The following ZNF267 variants were observed in gnomAD, a reference collection of about 807,000 sequenced individuals.
The protein encoded by ZNF267 is zinc finger (C2H2).
In ZNF267, 61 loss-of-function variants were observed where a neutral mutation model predicts 71.6. The ratio of observed to expected loss-of-function variants is 0.85; its 90% CI spans 0.69 to 1.05. The LOEUF (loss-of-function observed/expected upper bound fraction) is 1.05, where lower values mean the gene tolerates loss of function less well. ZNF267 is among the 50% of genes least tolerant of loss of function. ZNF267 has a pLI of 0.00. For missense variants in ZNF267, 852 were observed against 870.0 expected, an observed-to-expected ratio of 0.98 and a Z score of 0.26; for synonymous variants, 288 against 293.2, an observed-to-expected ratio of 0.98 and a Z score of 0.18.
At chr16:31,885,298 C>A in intron 3 of ZNF267, 42 bp downstream of exon 3, 1 of 1,550,238 alleles carries the variant, frequency 6.5e-7, no homozygotes, top group South Asian at 1.2e-5. Flanking sequence ...GGCGAGAGGT[C>A]CAGAAGTCAA....
intron 1 of ZNF267, among the ~76,000 whole-genome samples, chr16:31,877,105 G>T (rs915973953): frequency 6.6e-6 from 1 of 151,984 alleles, no homozygotes; most frequent in Admixed American, 6.6e-5. Context: ...CCATATAGTC[G>T]CCTACTCATT....
At chr16:31,878,828 G>A (rs997813002) in intron 1 of ZNF267, among the ~76,000 whole-genome samples, 9 of 152,196 alleles carry the variant, frequency 5.9e-5, no homozygotes, top group Non-Finnish European at 1.3e-4. Context: ...GCACCTATTG[G>A]AACTCAGATG....
intron 3 of ZNF267, among the ~76,000 whole-genome samples, chr16:31,886,747 ATGT>A (rs1338781513): frequency 2.6e-5 from 4 of 152,132 alleles, no homozygotes; most frequent in Admixed American, 6.5e-5. Context: ...TTATTCATCC[ATGT>A]TGTCAGAAAT....
chr16:31,883,026 T>G (rs987306483), intron 1 of ZNF267, among the ~76,000 whole-genome samples: 1 of 152,218 alleles, frequency 6.6e-6, no homozygotes, highest in African/African-American at 2.4e-5. Context: ...TAACAGCTTT[T>G]AAGACTGGAA....
At chr16:31,900,863 A>AT (rs1164638977) in intron 3 of ZNF267, among the ~76,000 whole-genome samples, 1 of 147,168 alleles carries the variant, frequency 6.8e-6, no homozygotes, top group African/African-American at 2.5e-5. Context: ...GATTTGTTAC[A>AT]TTTGTATACA....
chr16:31,909,120 C>CTTTTTTTTTTTTTTTTTTT (rs34409182), intron 3 of ZNF267, among the ~76,000 whole-genome samples: 28 of 45,334 alleles, frequency 6.2e-4, no homozygotes, highest in South Asian at 1.8e-3. Flanking sequence ...CTTTTCTTTT[C>CTTTTTTTTTTTTTTTTTTT]TTTTTTTTTT....
intron 3 of ZNF267, among the ~76,000 whole-genome samples, chr16:31,900,807 TTTA>T (rs2084034890): frequency 6.6e-6 from 1 of 150,484 alleles, no homozygotes; most frequent in African/African-American, 2.4e-5. Flanking sequence ...TTTTATTTAT[TTTA>T]TTATTATATT....
rs1229179583 is a variant in ZNF267 at position 31,906,352 on chromosome 16, TTGTC to T, written c.227-8120_227-8117del. ...TGCAGATGTTACTGCTGCCTTTTAT[TTGTC>T]TGTGTCCTGCCCCCAGAGGTGGAGT... On this transcript the variant is annotated intron_variant, in intron 3 of 3. Transcript: ENST00000300870. 2.0e-5 allele frequency among the ~76,000 whole-genome samples: 3 copies of T among 152,194 alleles called. No homozygotes were observed. The East Asian group carries it at 5.8e-4, about 29-fold the overall frequency.
At position 31,915,562 on chromosome 16, in the gene ZNF267, G is replaced by A. The variant is rs1342060945; in HGVS notation, c.1313G>A (p.Cys438Tyr). ...CATACTGGAGAGAAACCTTATAAAT[G>A]TAAAGAATGTGGAAAAGCTTTTAAC... is the stretch of plus-strand genomic sequence containing the variant. ...RIHTGEKPYK[C>Y]KECGKAFNRS... is the part of the protein sequence containing the mutation. The change falls in exon 4 of 4, where the codon TGT becomes TAT. Residue 438 changes from cysteine (C) to tyrosine (Y), a missense_variant. Physicochemically the swap from Cys to Tyr is radical, Grantham distance 194 (BLOSUM62 -2). Coordinates refer to ENST00000300870, the MANE Select transcript of ZNF267 (RefSeq NM_003414.6). 1.9e-6 allele frequency: 3 copies of A among 1,613,048 alleles called. No individual in the cohort carries two copies. Among genetic ancestry groups the A allele is most frequent in the African/African-American group, 2.7e-5 (2 of 74,832 alleles).
At chr16:31,906,065 T>C (rs191770345) in intron 3 of ZNF267, among the ~76,000 whole-genome samples, 22 of 152,318 alleles carry the variant, frequency 1.4e-4, no homozygotes, top group Admixed American at 5.9e-4. Context: ...ACCCTGTATG[T>C]CTGAGTATCA....
chr16:31,875,258 G>A, intron 1 of ZNF267: 1 of 1,289,210 alleles, frequency 7.8e-7, no homozygotes, highest in Non-Finnish European at 1.0e-6. Flanking sequence ...GGAGTGTTTA[G>A]TGACTGTCAG....
intron 1 of ZNF267, chr16:31,875,089 G>A (rs2083842672): frequency 7.8e-7 from 1 of 1,280,924 alleles, no homozygotes; most frequent in Non-Finnish European, 1.0e-6. Flanking sequence ...TCTTCCCCAG[G>A]CACAGACACG....
intron 3 of ZNF267, among the ~76,000 whole-genome samples, chr16:31,907,471 C>G (rs2084100694): frequency 6.6e-6 from 1 of 152,140 alleles, no homozygotes; most frequent in Non-Finnish European, 1.5e-5. Context: ...TAGACCTCAT[C>G]TAGTGAATCT....
chr16:31,894,424 T>G, intron 3 of ZNF267: 1 of 412,032 alleles, frequency 2.4e-6, no homozygotes, highest in South Asian at 2.0e-5. Context: ...TTCTTGTTCA[T>G]GGTTTATGTT....
chr16:31,873,928 T>A lies in ZNF267; in HGVS notation c.-39T>A, dbSNP rs754910929. ...TCTGCGACTTGCAGGCACTGGGAGATTCGTAGCTAAGACGCCAGGGCATCC... is the reference window on the plus strand; with the variant it reads ...TCTGCGACTTGCAGGCACTGGGAGAATCGTAGCTAAGACGCCAGGGCATCC... On this transcript the variant is annotated 5_prime_UTR_variant, in exon 1 of 4. Coordinates refer to ENST00000300870, the MANE Select transcript of ZNF267 (RefSeq NM_003414.6). 22 of 1,613,422 alleles carry A rather than the reference T, an allele frequency of 1.4e-5. No homozygotes were observed. In the Admixed American group the frequency reaches 3.2e-4, roughly 23 times the overall value.
Position 31,915,722 on chromosome 16 carries a change from T to A in ZNF267, c.1473T>A (p.Pro491=), listed in dbSNP as rs2084170512. 6.2e-7 allele frequency: 1 copy of A among 1,612,860 alleles called. No homozygotes were observed. Among genetic ancestry groups the A allele is most frequent in the Admixed American group, 1.7e-5 (1 of 59,892 alleles). Residue 491 remains proline, a synonymous_variant, in exon 4 of 4, where the codon CCT becomes CCA. Transcript: ENST00000300870. ...AGAGAGTTCATACTGGAGAGAAGCC[T>A]TATAAATGTAAAGAATGTGGCAAAG... ...MHQRVHTGEK[P]YKCKECGKVF... is the part of the protein sequence containing the mutation.
chr16:31,882,768 A>T (rs1270056566), intron 1 of ZNF267, among the ~76,000 whole-genome samples: 1 of 152,128 alleles, frequency 6.6e-6, no homozygotes, highest in Non-Finnish European at 1.5e-5. Flanking sequence ...GTGCATTAGC[A>T]CTGGTACCAA....
intron 1 of ZNF267, chr16:31,874,259 T>A (rs1261959390): frequency 2.5e-6 from 1 of 406,310 alleles, no homozygotes; most frequent in African/African-American, 2.1e-5. Context: ...TCCCCCAGAT[T>A]GTGCGGTGAG....
intron 3 of ZNF267, among the ~76,000 whole-genome samples, chr16:31,894,309 C>A (rs1180318785): frequency 1.3e-5 from 2 of 152,190 alleles, no homozygotes; most frequent in Non-Finnish European, 2.9e-5. Context: ...TGGCTGTGCT[C>A]CCTTGACTGT....
Sources: allele counts gnomAD v4.1 joint callset (sites outside exome capture counted in the v4.1 genomes callset), GRCh38; gene constraint gnomAD v4.1.1; transcripts MANE v1.5; gene names NCBI Gene and HGNC (gene_info 2026-07-23, HGNC 2026-07-21).